ZBTB20: variants seen among roughly 807,000 people sequenced by gnomAD.
ZBTB20 encodes the protein zinc finger and BTB domain containing 20.
A neutral mutation model predicts 56.9 loss-of-function variants in ZBTB20; 9 were observed. The observed-to-expected ratio is 0.16, with a 90% CI of 0.10 to 0.28. The LOEUF is 0.28. Among genes scored for constraint, ZBTB20 ranks in the 10% least tolerant of loss-of-function variants. ZBTB20 has a pLI of 1.00. For synonymous variants in ZBTB20, 417 were observed against 420.7 expected, an observed-to-expected ratio of 0.99 and a Z score of 0.11; for missense variants, 655 against 1,003.0, an observed-to-expected ratio of 0.65 and a Z score of 4.69.
At chr3:114,523,762 T>TA (rs1488481022) in intron 6 of ZBTB20, among the ~76,000 whole-genome samples, 2 of 152,066 alleles carry the variant, frequency 1.3e-5, no homozygotes, top group African/African-American at 4.8e-5. Context: ...TTCAGTGAAG[T>TA]AAAAAGAAAG....
intron 6 of ZBTB20, among the ~76,000 whole-genome samples, chr3:114,574,949 T>C (rs1243892101): frequency 2.0e-5 from 3 of 152,164 alleles, no homozygotes; most frequent in Non-Finnish European, 4.4e-5. Flanking sequence ...AAGTGGGTAT[T>C]TCTATATAAA....
intron 5 of ZBTB20, among the ~76,000 whole-genome samples, chr3:114,773,492 C>G (rs2069361959): frequency 6.6e-6 from 1 of 152,076 alleles, no homozygotes. Context: ...TTAGTCATAT[C>G]CTCAGAGAAA....
At chr3:114,887,872 A>G (rs566731168) in intron 4 of ZBTB20, among the ~76,000 whole-genome samples, 7 of 152,248 alleles carry the variant, frequency 4.6e-5, no homozygotes, top group East Asian at 3.9e-4. Flanking sequence ...AAAGCCCCCA[A>G]TTGATAGGAG....
At chr3:114,390,643 T>C (rs954052072) in intron 7 of ZBTB20, among the ~76,000 whole-genome samples, 3 of 152,248 alleles carry the variant, frequency 2.0e-5, no homozygotes, top group African/African-American at 7.2e-5. Context: ...CACTTCTCCA[T>C]GGAGAGCATC....
intron 7 of ZBTB20, among the ~76,000 whole-genome samples, chr3:114,473,355 T>A (rs1000298081): frequency 6.6e-6 from 1 of 152,246 alleles, no homozygotes; most frequent in Non-Finnish European, 1.5e-5. Flanking sequence ...GCTGATGAAC[T>A]GAATTTGAAA....
At chr3:114,801,313 T>G (rs1185897388) in intron 4 of ZBTB20, 139 bp from the exon 5 acceptor site, 1 of 148,368 alleles carries the variant, frequency 6.7e-6, no homozygotes, top group African/African-American at 2.4e-5. Context: ...TTCTTTTTTT[T>G]TTTTTTTTCT....
chr3:115,138,523 T>G (rs2084715859), intron 1 of ZBTB20, among the ~76,000 whole-genome samples: 1 of 152,066 alleles, frequency 6.6e-6, no homozygotes, highest in African/African-American at 2.4e-5. Flanking sequence ...AAGCACTGAG[T>G]TAAAATCGTC....
At chr3:115,109,937 C>T (rs1306388485) in intron 1 of ZBTB20, among the ~76,000 whole-genome samples, 1 of 152,162 alleles carries the variant, frequency 6.6e-6, no homozygotes, top group African/African-American at 2.4e-5. Flanking sequence ...AGGCGGGGCA[C>T]TGTGGCTCAC....
At chr3:114,758,989 G>A (rs1284662176) in intron 5 of ZBTB20, 1 of 152,110 alleles carries the variant, frequency 6.6e-6, no homozygotes, top group African/African-American at 2.4e-5. Context: ...CCTCGAGAAT[G>A]TTAAGAATTT....
intron 7 of ZBTB20, among the ~76,000 whole-genome samples, chr3:114,486,709 T>TTC (rs1006041599): frequency 6.2e-4 from 94 of 152,326 alleles, no homozygotes; most frequent in African/African-American, 2.2e-3. Context: ...AGACACACGG[T>TTC]TCTCTCATTC....
chr3:114,743,893 A>G (rs2066825345), intron 5 of ZBTB20: 1 of 152,214 alleles, frequency 6.6e-6, no homozygotes, highest in African/African-American at 2.4e-5. Flanking sequence ...GTTACAGCCT[A>G]CATTAGTTAG....
chr3:114,615,777 C>T (rs1365966448), intron 6 of ZBTB20, among the ~76,000 whole-genome samples: 1 of 152,172 alleles, frequency 6.6e-6, no homozygotes, highest in Non-Finnish European at 1.5e-5. Flanking sequence ...ACATAAAGCA[C>T]ATATGTATAG....
intron 2 of ZBTB20, among the ~76,000 whole-genome samples, chr3:115,001,972 A>T (rs1160698470): frequency 6.6e-6 from 1 of 151,510 alleles, no homozygotes; most frequent in Non-Finnish European, 1.5e-5. Flanking sequence ...GAATGCTGAC[A>T]CTACCCAACC....
chr3:114,853,934 G>T (rs916712765), intron 4 of ZBTB20, among the ~76,000 whole-genome samples: 4 of 152,108 alleles, frequency 2.6e-5, no homozygotes, highest in Non-Finnish European at 4.4e-5. Context: ...GGCATTTGTT[G>T]TAAGTAAATT....
chr3:114,773,993 T>C (rs1330254090), intron 5 of ZBTB20, among the ~76,000 whole-genome samples: 3 of 152,188 alleles, frequency 2.0e-5, no homozygotes, highest in African/African-American at 7.2e-5. Context: ...CAAAGGAATA[T>C]TGGAAGAAAG....
rs57058775 is a variant in ZBTB20 at position 114,329,709 on chromosome 3, G to GAAAAAAAAAAAAAAAAA, written c.*9279_*9295dup. 3.1e-5 allele frequency: 2 copies of GAAAAAAAAAAAAAAAAA among 63,926 alleles called. 1 individual carries two copies. Among genetic ancestry groups the GAAAAAAAAAAAAAAAAA allele is most frequent in the East Asian group, 1.1e-3 (2 of 1,858 alleles). The allele number at this position is 63,926 out of a possible 1,614,324, so 4.0% of individuals were successfully genotyped here. A position where few individuals can be genotyped will look rare whatever the true frequency, so the allele number is the denominator to read the frequency against. On this transcript the variant is annotated 3_prime_UTR_variant, in exon 12 of 12. Coordinates refer to ENST00000675478, the MANE Select transcript of ZBTB20 (RefSeq NM_001348800.3). ...TGAAACTCTGGTTTTACTTTTTTTG[G>GAAAAAAAAAAAAAAAAA]AAAAAAAAAAAAAAAAAAAAAAAAA... is the stretch of plus-strand genomic sequence containing the variant.
intron 6 of ZBTB20, among the ~76,000 whole-genome samples, chr3:114,642,799 C>A (rs559370704): frequency 6.6e-6 from 1 of 151,946 alleles, no homozygotes; most frequent in South Asian, 2.1e-4. Context: ...AAATGAATTC[C>A]AAGGAAAAAA....
chr3:114,487,302 T>C (rs926101996), intron 7 of ZBTB20, among the ~76,000 whole-genome samples: 6 of 152,162 alleles, frequency 3.9e-5, no homozygotes, highest in Admixed American at 1.3e-4. Context: ...CTCATAACCA[T>C]ATGTGCACAC....
At chr3:114,430,259 G>C (rs938478956) in intron 7 of ZBTB20, among the ~76,000 whole-genome samples, 3 of 152,148 alleles carry the variant, frequency 2.0e-5, no homozygotes, top group Admixed American at 6.5e-5. Flanking sequence ...ACACAAATTA[G>C]CTCATTTAAT....
Sources: allele counts gnomAD v4.1 joint callset (sites outside exome capture counted in the v4.1 genomes callset), GRCh38; gene constraint gnomAD v4.1.1; transcripts MANE v1.5; gene names NCBI Gene and HGNC (gene_info 2026-07-23, HGNC 2026-07-21).